The following RBFOX1 variants were observed in gnomAD, a reference collection of about 807,000 sequenced individuals.
The protein encoded by RBFOX1 is RNA binding protein fox-1 homolog 1.
Under a neutral mutation model 57.7 loss-of-function variants are expected in RBFOX1, and 8 were observed. The observed-to-expected ratio is 0.14, with a 90% CI of 0.08 to 0.25. The LOEUF (loss-of-function observed/expected upper bound fraction) is 0.25. RBFOX1 is among the 10% of genes least tolerant of loss of function. The pLI is 1.00. For missense variants in RBFOX1, 611 were observed against 548.5 expected, an observed-to-expected ratio of 1.11 and a Z score of -1.14; for synonymous variants, 326 against 222.4, an observed-to-expected ratio of 1.47 and a Z score of -4.15.
At chr16:6,734,093 C>T (rs141791627) in intron 3 of RBFOX1, among the ~76,000 whole-genome samples, 14 of 152,268 alleles carry the variant, frequency 9.2e-5, no homozygotes, top group East Asian at 3.9e-4. Context: ...TATGAAATTC[C>T]AGTCTTATTA....
At chr16:6,890,326 C>T (rs370942302) in intron 3 of RBFOX1, among the ~76,000 whole-genome samples, 1 of 152,150 alleles carries the variant, frequency 6.6e-6, no homozygotes, top group East Asian at 1.9e-4. Flanking sequence ...CAAGACCAGC[C>T]TGGCCTACAA....
chr16:5,958,301 C>T (rs1596301095), intron 4 of RBFOX1, among the ~76,000 whole-genome samples: 1 of 152,176 alleles, frequency 6.6e-6, no homozygotes, highest in Non-Finnish European at 1.5e-5. Context: ...TTGTATCACA[C>T]TTGTGGAGCA....
At chr16:5,626,136 T>C (rs2048345449) in intron 3 of RBFOX1, among the ~76,000 whole-genome samples, 1 of 152,212 alleles carries the variant, frequency 6.6e-6, no homozygotes, top group African/African-American at 2.4e-5. Flanking sequence ...CGCCTCGGCC[T>C]CCCAAAGTGC....
rs138285234 is a variant in RBFOX1, at chr16:7,237,448, G to C, written c.27+185350G>C. On this transcript the variant is annotated intron_variant, in intron 4 of 15. Coordinates refer to ENST00000550418, the MANE Select transcript of RBFOX1 (RefSeq NM_018723.4). ...CTCTGGACCAGGCACTGCTCTAAAGGCTGCACAGATTGTAACTCATTTACA... is the reference window on the plus strand; with the variant it reads ...CTCTGGACCAGGCACTGCTCTAAAGCCTGCACAGATTGTAACTCATTTACA... 2.2e-4 allele frequency among the ~76,000 whole-genome samples: 34 copies of C among 152,266 alleles called. 1 individual carries two copies. In the East Asian group the frequency reaches 3.5e-3, roughly 16 times the overall value.
chr16:7,031,746 C>G (rs73538961), intron 3 of RBFOX1, among the ~76,000 whole-genome samples: 5,634 of 152,218 alleles, frequency 0.037, 367 homozygotes, highest in African/African-American at 0.13. Context: ...TCTGTGCCCT[C>G]AAACAACATC....
intron 1 of RBFOX1, among the ~76,000 whole-genome samples, chr16:6,074,152 G>T (rs1430793199): frequency 6.6e-6 from 1 of 152,062 alleles, no homozygotes; most frequent in Middle Eastern, 3.2e-3. Flanking sequence ...ATTTCACCAT[G>T]TTAGCCATCA....
intron 3 of RBFOX1, among the ~76,000 whole-genome samples, chr16:6,680,938 G>A (rs1278101845): frequency 1.3e-5 from 2 of 152,220 alleles, no homozygotes; most frequent in Non-Finnish European, 2.9e-5. Context: ...AAATTGAGCT[G>A]CATGATAATT....
chr16:6,859,240 A>T (rs983199360), intron 3 of RBFOX1, among the ~76,000 whole-genome samples: 1 of 140,044 alleles, frequency 7.1e-6, no homozygotes, highest in Non-Finnish European at 1.6e-5. Flanking sequence ...TCCAATAAGA[A>T]CATGATTCTG....
At chr16:6,543,537 C>G (rs1418164448) in intron 2 of RBFOX1, among the ~76,000 whole-genome samples, 1 of 152,120 alleles carries the variant, frequency 6.6e-6, no homozygotes, top group Non-Finnish European at 1.5e-5. Flanking sequence ...GGGCTTTGCG[C>G]TTTTTATACC....
chr16:6,481,479 G>A (rs747964771), intron 2 of RBFOX1, among the ~76,000 whole-genome samples: 3 of 152,208 alleles, frequency 2.0e-5, no homozygotes, highest in Non-Finnish European at 4.4e-5. Flanking sequence ...TCGGCCACCC[G>A]CACCATGCGT....
At chr16:7,209,250 A>G (rs1339800641) in intron 4 of RBFOX1, among the ~76,000 whole-genome samples, 1 of 151,962 alleles carries the variant, frequency 6.6e-6, no homozygotes, top group Non-Finnish European at 1.5e-5. Flanking sequence ...CAGGAGAATC[A>G]CTTGAACCCA....
intron 3 of RBFOX1, among the ~76,000 whole-genome samples, chr16:6,707,373 A>T (rs889878912): frequency 1.3e-5 from 2 of 152,212 alleles, no homozygotes; most frequent in African/African-American, 2.4e-5. Flanking sequence ...TTACATGTTA[A>T]AAACATCATT....
intron 2 of RBFOX1, among the ~76,000 whole-genome samples, chr16:6,334,543 A>G (rs897604847): frequency 2.0e-5 from 3 of 151,834 alleles, no homozygotes; most frequent in Non-Finnish European, 4.4e-5. Flanking sequence ...ATATGCTAGA[A>G]TCGTCATTAT....
chr16:5,399,198 G>A (rs1373896349), intron 1 of RBFOX1, among the ~76,000 whole-genome samples: 4 of 152,078 alleles, frequency 2.6e-5, no homozygotes, highest in Non-Finnish European at 4.4e-5. Flanking sequence ...TCCCTCCCTC[G>A]CTTGATAAAT....
chr16:5,709,127 C>T (rs1005822199), intron 3 of RBFOX1, among the ~76,000 whole-genome samples: 13 of 152,280 alleles, frequency 8.5e-5, no homozygotes, highest in Admixed American at 2.0e-4. Flanking sequence ...CTGTCTCTTG[C>T]AATCCAAAAA....
At chr16:6,633,077 C>G (rs1245438173) in intron 2 of RBFOX1, among the ~76,000 whole-genome samples, 2 of 152,064 alleles carry the variant, frequency 1.3e-5, no homozygotes, top group African/African-American at 4.8e-5. Context: ...CTGGGACATG[C>G]TTTTTTCCAG....
chr16:7,114,178 G>A (rs1366496193), intron 4 of RBFOX1, among the ~76,000 whole-genome samples: 2 of 152,118 alleles, frequency 1.3e-5, no homozygotes, highest in East Asian at 3.9e-4. Context: ...GGTGTTCAGA[G>A]GCAGATCAGT....
rs79138592 is a variant in RBFOX1, at chr16:7,300,132, T to C, written c.28-218015T>C. Among the ~76,000 whole-genome samples the C allele has an allele frequency of 6.8e-4, 103 of 152,294 alleles. No homozygotes were observed. The East Asian group carries it at 0.019, about 28-fold the overall frequency. On this transcript the variant is annotated intron_variant, in intron 4 of 15. Coordinates refer to ENST00000550418, the MANE Select transcript of RBFOX1 (RefSeq NM_018723.4). ...GGTTTCCCTAATTCCCTGATCTTGA[T>C]CTTGCCTGCTATGCTTCCCACAGCA... is the stretch of plus-strand genomic sequence containing the variant.
At chr16:6,224,991 C>G (rs1200283099) in intron 1 of RBFOX1, among the ~76,000 whole-genome samples, 1 of 146,908 alleles carries the variant, frequency 6.8e-6, no homozygotes, top group Non-Finnish European at 1.5e-5. Context: ...TACACTCCAG[C>G]CTGGGCAACA....
Sources: gnomAD v4.1 joint callset for allele counts (sites outside exome capture counted in the v4.1 genomes callset) on GRCh38, gnomAD v4.1.1 for gene constraint, MANE v1.5 for transcripts, NCBI Gene and HGNC (gene_info 2026-07-23, HGNC 2026-07-21) for gene names.